RYR2: variants seen among roughly 807,000 people sequenced by gnomAD.
The protein encoded by RYR2 is ryanodine receptor 2.
RYR2 carries 227 observed loss-of-function variants against 601.1 expected under a neutral mutation model. That is an observed-to-expected ratio of 0.38 (90% CI 0.34 to 0.42). The LOEUF is 0.42. Among genes scored for constraint, RYR2 ranks in the 10% least tolerant of loss-of-function variants. The pLI is 1.00. For missense variants in RYR2, 4,646 were observed against 6,156.5 expected, an observed-to-expected ratio of 0.75 and a Z score of 8.21; for synonymous variants, 2,223 against 2,175.1, an observed-to-expected ratio of 1.02 and a Z score of -0.61.
chr1:237,534,395 A>G (rs1291940955), intron 25 of RYR2, among the ~76,000 whole-genome samples: 1 of 152,092 alleles, frequency 6.6e-6, no homozygotes, highest in Non-Finnish European at 1.5e-5. Context: ...CACAAATCTC[A>G]GAAACTGATA....
intron 35 of RYR2, among the ~76,000 whole-genome samples, chr1:237,609,725 T>A (rs1261613700): frequency 6.6e-6 from 1 of 152,126 alleles, no homozygotes; most frequent in Admixed American, 6.5e-5. Context: ...CATTTAAAAT[T>A]GCTGCCCTTG....
intron 32 of RYR2, among the ~76,000 whole-genome samples, chr1:237,592,681 A>G (rs563679160): frequency 9.2e-5 from 14 of 151,464 alleles, no homozygotes; most frequent in African/African-American, 3.4e-4. Context: ...GTGTCAGAGA[A>G]AGGAAAGGCC....
At chr1:237,540,379 A>C (rs1000049322) in intron 25 of RYR2, among the ~76,000 whole-genome samples, 1 of 152,176 alleles carries the variant, frequency 6.6e-6, no homozygotes, top group Non-Finnish European at 1.5e-5. Flanking sequence ...AAATCAACAC[A>C]AAACACAGTA....
At chr1:237,632,260 A>T (rs1317461297) in intron 42 of RYR2, among the ~76,000 whole-genome samples, 1 of 78,108 alleles carries the variant, frequency 1.3e-5, no homozygotes, top group Non-Finnish European at 3.0e-5. Flanking sequence ...CCATGGCACA[A>T]GCATGTTCTT....
At chr1:237,119,410 A>T (rs1279781046) in intron 1 of RYR2, among the ~76,000 whole-genome samples, 1 of 151,940 alleles carries the variant, frequency 6.6e-6, no homozygotes, top group Non-Finnish European at 1.5e-5. Context: ...GGAAAACTGC[A>T]TGTGTGTGTG....
chr1:237,479,650 A>G (rs1435494174), intron 17 of RYR2, among the ~76,000 whole-genome samples: 1 of 152,238 alleles, frequency 6.6e-6, no homozygotes, highest in South Asian at 2.1e-4. Context: ...GCTTTAGAGC[A>G]AACAGTTACA....
At chr1:237,350,869 CAAAT>C (rs1698780248) in intron 3 of RYR2, among the ~76,000 whole-genome samples, 4 of 151,566 alleles carry the variant, frequency 2.6e-5, no homozygotes, top group South Asian at 2.1e-4. Flanking sequence ...AATAATCAGG[CAAAT>C]AAATGAATGA....
intron 52 of RYR2, 126 bp downstream of exon 52, chr1:237,654,540 T>C (rs1683063288): frequency 1.1e-6 from 1 of 885,972 alleles, no homozygotes; most frequent in Non-Finnish European, 1.7e-6. Context: ...CTTGATTTTT[T>C]CTCTTTTCTC....
intron 1 of RYR2, among the ~76,000 whole-genome samples, chr1:237,213,930 T>TA (rs1682884001): frequency 1.4e-5 from 2 of 142,680 alleles, no homozygotes; most frequent in South Asian, 4.6e-4. Context: ...TTTTTTTTTT[T>TA]TTTTTTTTTA....
intron 8 of RYR2, among the ~76,000 whole-genome samples, chr1:237,385,394 T>C (rs1032811887): frequency 6.6e-6 from 1 of 152,216 alleles, no homozygotes; most frequent in Non-Finnish European, 1.5e-5. Flanking sequence ...CTGCACATTG[T>C]ATGCATGTAT....
At chr1:237,584,166 A>G (rs907977323) in intron 29 of RYR2, among the ~76,000 whole-genome samples, 1 of 152,142 alleles carries the variant, frequency 6.6e-6, no homozygotes, top group African/African-American at 2.4e-5. Context: ...CATATTTTAC[A>G]TGTGCTGGGG....
intron 2 of RYR2, among the ~76,000 whole-genome samples, chr1:237,284,715 C>T (rs1691351708): frequency 1.4e-5 from 2 of 144,282 alleles, no homozygotes; most frequent in African/African-American, 5.2e-5. Context: ...CACCCCCCCA[C>T]ACACACAGCA....
intron 1 of RYR2, among the ~76,000 whole-genome samples, chr1:237,268,648 G>A (rs918243121): frequency 1.3e-5 from 2 of 151,988 alleles, no homozygotes; most frequent in Non-Finnish European, 2.9e-5. Context: ...GGAAATAAAG[G>A]CAAATACAGC....
At chr1:237,426,438 G>C (rs1572268713) in intron 12 of RYR2, among the ~76,000 whole-genome samples, 1 of 152,050 alleles carries the variant, frequency 6.6e-6, no homozygotes, top group East Asian at 1.9e-4. Flanking sequence ...ATGGGGACAT[G>C]GGCTTCTTTC....
chr1:237,530,307 T>C, intron 24 of RYR2, 120 bp from the exon 25 acceptor site: 1 of 642,108 alleles, frequency 1.6e-6, no homozygotes, highest in Non-Finnish European at 2.6e-6. Context: ...CGAGACTCCG[T>C]CTCAAAAAAA....
intron 94 of RYR2, among the ~76,000 whole-genome samples, chr1:237,793,014 A>G (rs1480346613): frequency 6.6e-6 from 1 of 152,212 alleles, no homozygotes; most frequent in African/African-American, 2.4e-5. Context: ...AGAACCCAAG[A>G]TAATCTCTCT....
intron 58 of RYR2, among the ~76,000 whole-genome samples, chr1:237,669,981 C>T (rs1247084740): frequency 3.3e-5 from 5 of 152,132 alleles, no homozygotes; most frequent in Non-Finnish European, 7.4e-5. Flanking sequence ...CACGCCACTG[C>T]ACTCCAGCCT....
Position 237,614,433 on chromosome 1 carries a change from G to T in RYR2, c.5305G>T (p.Val1769Leu), listed in dbSNP as rs767638239. 6.2e-7 allele frequency: 1 copy of T among 1,613,962 alleles called. No individual in the cohort carries two copies. Among genetic ancestry groups the T allele is most frequent in the Non-Finnish European group, 8.5e-7 (1 of 1,179,890 alleles). Residue 1769 changes from valine to leucine, a missense_variant, in exon 37 of 105, where the codon GTA (valine) becomes TTA (leucine). This residue lies in a region of RYR2 where 1,807 missense variants were observed against 2,088.1 expected (regional missense o/e 0.87). Coordinates refer to ENST00000366574, the MANE Select transcript of RYR2 (RefSeq NM_001035.3). This position sits in a 1 kb window ranked among gnomAD's most constrained non-coding sequence, Gnocchi z 4.3. ...PRMQFSSPSF[V>L]SISNECYQYS... ...GATGCAGTTTTCCTCCCCCAGTTTT[G>T]TAAGCATTAGTAATGAATGTTACCA...
intron 4 of RYR2, among the ~76,000 whole-genome samples, chr1:237,363,864 G>C (rs1388440209): frequency 6.6e-6 from 1 of 152,146 alleles, no homozygotes; most frequent in Non-Finnish European, 1.5e-5. Flanking sequence ...ATTGCTTACT[G>C]TTATTTTGCA....
Sources: gnomAD v4.1 joint callset for allele counts (sites outside exome capture counted in the v4.1 genomes callset) on GRCh38, gnomAD v4.1.1 for gene constraint, gnomAD v4.1.1 regional missense constraint, Gnocchi (gnomAD v3.1) non-coding constraint, MANE v1.5 for transcripts, NCBI Gene and HGNC (gene_info 2026-07-23, HGNC 2026-07-21) for gene names.